The following SLC8B1 variants were observed in gnomAD, a reference collection of about 807,000 sequenced individuals.
SLC8B1 encodes the protein mitochondrial sodium/calcium exchanger protein.
Under a neutral mutation model 63.4 loss-of-function variants are expected in SLC8B1, and 52 were observed. The observed-to-expected ratio is 0.82, with a 90% CI of 0.66 to 1.03. SLC8B1 has a LOEUF of 1.03. Ranked by LOEUF, SLC8B1 falls within the 50% of genes least tolerant of loss-of-function variation. The pLI is 0.00. For synonymous variants in SLC8B1, 336 were observed against 323.9 expected, an observed-to-expected ratio of 1.04 and a Z score of -0.40; for missense variants, 657 against 741.7, an observed-to-expected ratio of 0.89 and a Z score of 1.33.
intron 2 of SLC8B1, among the ~76,000 whole-genome samples, chr12:113,328,391 G>A (rs1427639626): frequency 6.6e-6 from 1 of 152,136 alleles, no homozygotes; most frequent in Non-Finnish European, 1.5e-5. Context: ...CACCAGCACG[G>A]AGAACAACTG....
At chr12:113,306,688 C>A in intron 13 of SLC8B1, 113 bp from the exon 14 acceptor site, 1 of 831,836 alleles carries the variant, frequency 1.2e-6, no homozygotes, top group Non-Finnish European at 2.0e-6. Context: ...CAGATGGATG[C>A]CCAAGTGTGC....
intron 10 of SLC8B1, 138 bp downstream of exon 10, chr12:113,316,388 C>G: frequency 5.1e-6 from 6 of 1,179,562 alleles, no homozygotes; most frequent in Non-Finnish European, 7.1e-6. Flanking sequence ...TCAGTTTCCC[C>G]ATCAAATCAC....
intron 11 of SLC8B1, among the ~76,000 whole-genome samples, 175 bp downstream of exon 11, chr12:113,315,160 C>T (rs1053031288): frequency 4.7e-4 from 72 of 152,224 alleles, no homozygotes; most frequent in Non-Finnish European, 1.5e-4. Flanking sequence ...GTAGTGCACG[C>T]CTGTAATCCC....
intron 11 of SLC8B1, among the ~76,000 whole-genome samples, chr12:113,314,406 G>A (rs1956806616): frequency 1.3e-5 from 2 of 152,260 alleles, no homozygotes; most frequent in African/African-American, 4.8e-5. Flanking sequence ...CCTGGGCTGA[G>A]GGGGAGGAGC....
chr12:113,321,568 C>A (rs548405121), intron 2 of SLC8B1, among the ~76,000 whole-genome samples: 89 of 152,106 alleles, frequency 5.9e-4, no homozygotes, highest in Middle Eastern at 3.4e-3. Flanking sequence ...TTTAAAAAAA[C>A]CAATACATAA....
intron 11 of SLC8B1, among the ~76,000 whole-genome samples, chr12:113,311,138 A>C (rs1036652655): frequency 1.4e-4 from 22 of 151,970 alleles, no homozygotes; most frequent in African/African-American, 5.3e-4. Flanking sequence ...AACATGGTGC[A>C]ACCCCATCTC....
intron 15 of SLC8B1, chr12:113,302,247 G>C (rs988353854): frequency 6.1e-6 from 1 of 163,726 alleles, no homozygotes; most frequent in African/African-American, 2.4e-5. Flanking sequence ...GTAAGAAGAA[G>C]AGAGAGATGG....
At chr12:113,328,659 A>G (rs66480871) in intron 2 of SLC8B1, among the ~76,000 whole-genome samples, 18,555 of 151,566 alleles carry the variant, frequency 0.12, 1,292 homozygotes, top group African/African-American at 0.2. Context: ...TTTAATCCAC[A>G]TTCACCACCC....
At chr12:113,331,948 CCT>C (rs1302383189) in intron 2 of SLC8B1, among the ~76,000 whole-genome samples, 1 of 152,126 alleles carries the variant, frequency 6.6e-6, no homozygotes, top group Non-Finnish European at 1.5e-5. Context: ...TCTCCATCCT[CCT>C]CTCTTAGCAT....
In SLC8B1 at chr12:113,321,362, G is replaced by T. The variant is rs1216766949; in HGVS notation, c.157-14C>A. 1.2e-6 allele frequency: 2 copies of T among 1,614,128 alleles called. No homozygotes were observed. The highest frequency in any genetic ancestry group is 1.7e-6 in the Non-Finnish European group (2 of 1,180,004). ...CACCTTGCGGCACTGCAGGAAGACA[G>T]GGAGGGGGACATCAGCGGCAGAGAC... On this transcript the variant is annotated splice_polypyrimidine_tract_variant and intron_variant, in intron 2 of 15. Coordinates refer to ENST00000680972, the MANE Select transcript of SLC8B1 (RefSeq NM_001358345.2).
In SLC8B1 at chr12:113,305,525, G is replaced by T. The variant is rs1202606321; in HGVS notation, c.1492+970C>A. On this transcript the variant is annotated intron_variant, in intron 14 of 15. Coordinates refer to ENST00000680972, the MANE Select transcript of SLC8B1 (RefSeq NM_001358345.2). This position sits in a 1 kb window ranked among gnomAD's most constrained non-coding sequence, Gnocchi z 4.3. ...ACTGTCTGGAACCCACAACCATCTG[G>T]TTTCAAAGCTCTTTCTCTTCATAGC... Among the ~76,000 whole-genome samples, 1 of 152,208 alleles carries T rather than the reference G, an allele frequency of 6.6e-6. No homozygotes were observed. Among genetic ancestry groups the T allele is most frequent in the African/African-American group, 2.4e-5 (1 of 41,452 alleles).
At chr12:113,331,462 T>C (rs1406983563) in intron 2 of SLC8B1, among the ~76,000 whole-genome samples, 1 of 148,928 alleles carries the variant, frequency 6.7e-6, no homozygotes, top group African/African-American at 2.5e-5. Context: ...GTGGGTGCAA[T>C]CTAATCAGCT....
In SLC8B1 at chr12:113,304,383, T is replaced by C; in HGVS notation, c.1495A>G (p.Ile499Val). 1 of 1,613,856 alleles carries C rather than the reference T, an allele frequency of 6.2e-7. No individual in the cohort carries two copies. The highest frequency in any genetic ancestry group is 1.7e-5 in the Admixed American group (1 of 60,012). Residue 499 changes from isoleucine (I) to valine (V), a missense_variant and splice_region_variant, in exon 15 of 16, where the codon ATC (isoleucine) becomes GTC (valine). Coordinates refer to ENST00000680972, the MANE Select transcript of SLC8B1 (RefSeq NM_001358345.2). ...CAGCCCAGCCCCACACCCACGAGGA[T>C]GTCTGCAGCCCAGCTCAGGAAGCTT... ...SACFGGIIFN[I>V]LVGVGLGCLL...
At position 113,299,936 on chromosome 12, in the gene SLC8B1, G is replaced by A. The variant is rs751541902; in HGVS notation, c.1596C>T (p.Gly532=). 2.1e-5 allele frequency: 34 copies of A among 1,613,746 alleles called. No homozygotes were observed. The highest frequency in any genetic ancestry group is 9.3e-5 in the African/African-American group (7 of 74,930). ...AGAAGACGAGGCTGAGCCCCAGGGC[G>A]CCTGCCAGGACCCACACCAGCAGTC... ...PDGLLVWVLA[G]ALGLSLVFSL... Residue 532 remains glycine, a synonymous_variant, in exon 16 of 16, where the codon GGC becomes GGT. Transcript: ENST00000680972.
intron 4 of SLC8B1, 37 bp downstream of exon 4, chr12:113,321,019 A>G (rs369558055): frequency 5.2e-5 from 84 of 1,602,830 alleles, no homozygotes; most frequent in Non-Finnish European, 6.9e-5. Flanking sequence ...CCCTCCTCCC[A>G]TTGATAAGCC....
At position 113,307,839 on chromosome 12, in the gene SLC8B1, A is replaced by G. The variant is rs910047239; in HGVS notation, c.1263T>C (p.Phe421=). 3.7e-6 allele frequency: 6 copies of G among 1,612,336 alleles called. No homozygotes were observed. Among genetic ancestry groups the G allele is most frequent in the Non-Finnish European group, 5.1e-6 (6 of 1,179,956 alleles). Residue 421 remains phenylalanine, a synonymous_variant, in exon 13 of 16, where the codon TTT becomes TTC. Transcript: ENST00000680972. ...CGCTGGTCAGAAAGCCCAGGAAAGCAAAGAGCTGCGGAGGGAATGGTTTGC... is the reference window on the plus strand; with the variant it reads ...CGCTGGTCAGAAAGCCCAGGAAAGCGAAGAGCTGCGGAGGGAATGGTTTGC... ...DSQPPRLHWL[F]AFLGFLTSAL...
At chr12:113,306,401 C>T (rs1956675871) in intron 14 of SLC8B1, 94 bp downstream of exon 14, 2 of 1,092,750 alleles carry the variant, frequency 1.8e-6, no homozygotes, top group Non-Finnish European at 1.3e-6. Flanking sequence ...CCAGGTGTTA[C>T]ACCGAGAACC....
intron 11 of SLC8B1, among the ~76,000 whole-genome samples, chr12:113,310,706 T>C (rs995064380): frequency 2.0e-5 from 3 of 152,186 alleles, no homozygotes; most frequent in African/African-American, 4.8e-5. Context: ...AGCCAGGCAT[T>C]ACCAGTAGAT....
intron 2 of SLC8B1, among the ~76,000 whole-genome samples, chr12:113,328,846 G>T (rs779775685): frequency 6.6e-6 from 1 of 151,562 alleles, no homozygotes; most frequent in Non-Finnish European, 1.5e-5. Flanking sequence ...CCATCTCATG[G>T]GTTCAAGAGA....
Sources: gnomAD v4.1 joint callset for allele counts (sites outside exome capture counted in the v4.1 genomes callset) on GRCh38, gnomAD v4.1.1 for gene constraint, Gnocchi (gnomAD v3.1) non-coding constraint, MANE v1.5 for transcripts, NCBI Gene and HGNC (gene_info 2026-07-23, HGNC 2026-07-21) for gene names.